The following SHB variants were observed in gnomAD, a reference collection of about 807,000 sequenced individuals.
SHB encodes the protein SH2 domain-containing adapter protein B.
In SHB, 20 loss-of-function variants were observed where a neutral mutation model predicts 52.3. The ratio of observed to expected loss-of-function variants is 0.38; its 90% CI spans 0.27 to 0.56. The LOEUF is 0.56. SHB is among the 20% of genes least tolerant of loss of function. SHB has a pLI of 0.71. For synonymous variants in SHB, 397 were observed against 316.5 expected, an observed-to-expected ratio of 1.25 and a Z score of -2.70; for missense variants, 825 against 723.3, an observed-to-expected ratio of 1.14 and a Z score of -1.61.
At chr9:38,059,028 T>C (rs1337664213) in intron 1 of SHB, among the ~76,000 whole-genome samples, 5 of 152,254 alleles carry the variant, frequency 3.3e-5, no homozygotes, top group Non-Finnish European at 7.3e-5. Flanking sequence ...CAGGGGAGCA[T>C]AGACTCTTAT....
chr9:38,027,482 G>T (rs1220162489), intron 1 of SHB, among the ~76,000 whole-genome samples: 6 of 152,060 alleles, frequency 3.9e-5, no homozygotes, highest in Non-Finnish European at 8.8e-5. Flanking sequence ...CTTTTAGTCT[G>T]GGGAACCCAG....
intron 2 of SHB, among the ~76,000 whole-genome samples, chr9:38,001,916 C>CAG (rs1199331180): frequency 2.0e-5 from 3 of 152,210 alleles, no homozygotes; most frequent in Non-Finnish European, 2.9e-5. Flanking sequence ...CCATGAGCTC[C>CAG]AGAGAGCACG....
chr9:37,972,212 C>G (rs965357840), intron 3 of SHB, among the ~76,000 whole-genome samples: 3 of 152,184 alleles, frequency 2.0e-5, no homozygotes, highest in African/African-American at 7.2e-5. Context: ...GTCACATGAG[C>G]CTTTTTAGCC....
intron 2 of SHB, among the ~76,000 whole-genome samples, chr9:37,998,179 G>C (rs1564097918): frequency 6.6e-6 from 1 of 151,666 alleles, no homozygotes; most frequent in Admixed American, 6.6e-5. Context: ...CGATTCCAAG[G>C]CACCAGTGGC....
rs1169016722 is a variant in SHB at position 37,974,628 on chromosome 9, G to C, written c.1048C>G (p.Leu350Val). The C allele has an allele frequency of 6.2e-7, 1 of 1,612,614 alleles. No homozygotes were observed. ...CAGGGTCAGGGCTCCTTACCTGCCA[G>C]GGCTGGGATGGTGACCCGGTTCCAC... ...WEWNRVTIPA[L>V]AAQFNGNEKR... is the part of the protein sequence containing the mutation. Residue 350 changes from leucine to valine, a missense_variant, in exon 3 of 6, where the codon CTG (leucine) becomes GTG (valine). By Grantham distance (32) the Leu-to-Val change is conservative (BLOSUM62 1). Transcript: ENST00000377707.
At chr9:37,952,549 A>G (rs1832578013) in intron 4 of SHB, among the ~76,000 whole-genome samples, 2 of 152,176 alleles carry the variant, frequency 1.3e-5, no homozygotes, top group Non-Finnish European at 2.9e-5. Flanking sequence ...GAAATCTTAC[A>G]GACAGTCAGT....
chr9:37,999,576 G>A lies in SHB; in HGVS notation c.838+16435C>T, dbSNP rs184354410. Among the ~76,000 whole-genome samples the A allele has an allele frequency of 3.3e-3, 499 of 152,306 alleles. 1 individual carries two copies. The highest frequency in any genetic ancestry group is 4.9e-3 in the Non-Finnish European group (335 of 68,028). On this transcript the variant is annotated intron_variant, in intron 2 of 5. Transcript: ENST00000377707. ...CTCACAAACAGGTTTCTGGAGTGCTGAGTGGAAGCTGCAGACACCAAGCGC... is the reference window on the plus strand; with the variant it reads ...CTCACAAACAGGTTTCTGGAGTGCTAAGTGGAAGCTGCAGACACCAAGCGC...
At chr9:38,000,569 C>T (rs948800574) in intron 2 of SHB, among the ~76,000 whole-genome samples, 72 of 152,222 alleles carry the variant, frequency 4.7e-4, no homozygotes, top group Non-Finnish European at 4.3e-4. Flanking sequence ...TGTGCTGATT[C>T]CCAGGTGGCG....
At chr9:38,020,191 G>A (rs1474530977) in intron 1 of SHB, among the ~76,000 whole-genome samples, 4 of 152,236 alleles carry the variant, frequency 2.6e-5, no homozygotes, top group Non-Finnish European at 4.4e-5. Flanking sequence ...ACCTATTCAT[G>A]TACTATGTGC....
chr9:37,995,026 T>A (rs1354595207), intron 2 of SHB, among the ~76,000 whole-genome samples: 1 of 152,150 alleles, frequency 6.6e-6, no homozygotes, highest in African/African-American at 2.4e-5. Flanking sequence ...AAGTATATCA[T>A]CTGCTTGCAT....
chr9:37,982,855 T>C (rs1324495176), intron 2 of SHB, among the ~76,000 whole-genome samples: 1 of 151,986 alleles, frequency 6.6e-6, no homozygotes, highest in Non-Finnish European at 1.5e-5. Context: ...TGTCTTATGG[T>C]AAACATCAGA....
intron 1 of SHB, among the ~76,000 whole-genome samples, chr9:38,022,165 T>C (rs1821289442): frequency 6.6e-6 from 1 of 152,218 alleles, no homozygotes; most frequent in Admixed American, 6.5e-5. Context: ...AATATGATCA[T>C]TGATGAAGTT....
Position 37,987,320 on chromosome 9 carries a change from C to T in SHB, c.839-12483G>A, listed in dbSNP as rs116666771. ...TTCTCGTTTAACTCTCAAGACAACCCCATGAGGTGGTACCCCACAGACACT... is the reference window on the plus strand; with the variant it reads ...TTCTCGTTTAACTCTCAAGACAACCTCATGAGGTGGTACCCCACAGACACT... On this transcript the variant is annotated intron_variant, in intron 2 of 5. Coordinates refer to ENST00000377707, the MANE Select transcript of SHB (RefSeq NM_003028.3). Among the ~76,000 whole-genome samples the T allele has an allele frequency of 3.5e-3, 529 of 152,342 alleles. 6 individuals are homozygous for T. The highest frequency in any genetic ancestry group is 0.012 in the African/African-American group (504 of 41,576).
rs376219472 is a variant in SHB at position 38,067,914 on chromosome 9, C to T, written c.717+15G>A. Reference sequence around the variant, plus strand: ...TGGCTCTGGAACCTCGGGAAGAGGCCAAGGGGCACCTTACCTTGTCCTTCT... The same window carrying T: ...TGGCTCTGGAACCTCGGGAAGAGGCTAAGGGGCACCTTACCTTGTCCTTCT... On this transcript the variant is annotated intron_variant, in intron 1 of 5. Coordinates refer to ENST00000377707, the MANE Select transcript of SHB (RefSeq NM_003028.3). 10 of 1,486,318 alleles carry T rather than the reference C, an allele frequency of 6.7e-6. No homozygotes were observed. The African/African-American group carries it at 1.3e-4, about 19-fold the overall frequency. 92.1% of individuals were successfully genotyped at this position (1,486,318 alleles called of 1,614,324 possible).
At chr9:37,934,037 G>A (rs757501652) in intron 5 of SHB, among the ~76,000 whole-genome samples, 15 of 152,168 alleles carry the variant, frequency 9.9e-5, no homozygotes, top group African/African-American at 3.1e-4. Context: ...CTCACACAGC[G>A]GGAGTCAGCA....
intron 3 of SHB, among the ~76,000 whole-genome samples, chr9:37,964,290 A>G (rs1832724733): frequency 6.6e-6 from 1 of 152,218 alleles, no homozygotes; most frequent in Non-Finnish European, 1.5e-5. Context: ...GCTGTGAAGC[A>G]GGTGCCAGGA....
chr9:38,052,305 G>C (rs1821761610), intron 1 of SHB, among the ~76,000 whole-genome samples: 1 of 152,048 alleles, frequency 6.6e-6, no homozygotes, highest in South Asian at 2.1e-4. Flanking sequence ...CAAGCAGTCT[G>C]ACTTGTACAA....
intron 1 of SHB, among the ~76,000 whole-genome samples, chr9:38,018,123 C>T (rs903549241): frequency 6.6e-6 from 1 of 151,910 alleles, no homozygotes; most frequent in Non-Finnish European, 1.5e-5. Context: ...AAATGTCTCC[C>T]CTGGAAAACA....
rs369775188 is a variant in SHB, at chr9:37,917,692, C to G, written c.*2129G>C. Among the ~76,000 whole-genome samples the G allele has an allele frequency of 6.6e-6, 1 of 152,254 alleles. No homozygotes were observed. The highest frequency in any genetic ancestry group is 1.5e-5 in the Non-Finnish European group (1 of 68,044). On this transcript the variant is annotated 3_prime_UTR_variant, in exon 6 of 6. Transcript: ENST00000377707. ...ATTTCCCACCTACCTTCCCACTCCC[C>G]CAAAGGAAAGCACGAATCGTTCCAG... is the stretch of plus-strand genomic sequence containing the variant.
Sources: allele counts gnomAD v4.1 joint callset (sites outside exome capture counted in the v4.1 genomes callset), GRCh38; gene constraint gnomAD v4.1.1; transcripts MANE v1.5; gene names NCBI Gene and HGNC (gene_info 2026-07-23, HGNC 2026-07-21).